Variants in ADGRG4 observed in about 807,000 individuals in gnomAD.
The protein encoded by ADGRG4 is adhesion G protein-coupled receptor G4.
Under a neutral mutation model 126.2 loss-of-function variants are expected in ADGRG4, and 122 were observed. That is an observed-to-expected ratio of 0.97 (90% CI 0.83 to 1.12). The LOEUF is 1.12. ADGRG4 is among the 50% of genes most tolerant of loss of function. The pLI, the probability that ADGRG4 is intolerant of heterozygous loss-of-function variation, is 0.00. For missense variants in ADGRG4, 2,481 were observed against 2,251.8 expected, an observed-to-expected ratio of 1.10 and a Z score of -2.06; for synonymous variants, 943 against 838.7, an observed-to-expected ratio of 1.12 and a Z score of -2.15.
intron 13 of ADGRG4, 104 bp from the exon 14 acceptor site, chrX:136,371,224 G>T (rs2075191535): frequency 2.2e-6 from 1 of 460,958 alleles, no homozygotes; most frequent in South Asian, 5.3e-5. Context: ...TACCTTGGTA[G>T]GTGTTCTCAT....
intron 5 of ADGRG4, among the ~76,000 whole-genome samples, chrX:136,341,151 T>C (rs1306017905): frequency 8.9e-6 from 1 of 112,025 alleles, no homozygotes; most frequent in Admixed American, 9.5e-5. Context: ...AATTGCTACA[T>C]CTATGGCTCA....
chrX:136,344,300 T>G lies in ADGRG4; in HGVS notation c.686-92T>G, dbSNP rs756020528. 7 of 571,715 alleles carry G rather than the reference T, an allele frequency of 1.2e-5. No homozygotes were observed. The African/African-American group carries it at 1.6e-4, about 13-fold the overall frequency. 47.1% of individuals were successfully genotyped at this position (571,715 alleles called of 1,213,427 possible). A position where few individuals can be genotyped will look rare whatever the true frequency, so the allele number is the denominator to read the frequency against. The stretch of plus-strand genomic sequence containing the variant: ...TTTGATTATATCTATGATACTTTCT[T>G]ACAAAATGAAAAGAAATTATAGAGC... On this transcript the variant is annotated intron_variant, in intron 5 of 25. Coordinates refer to ENST00000394143, the MANE Select transcript of ADGRG4 (RefSeq NM_153834.4).
intron 15 of ADGRG4, among the ~76,000 whole-genome samples, chrX:136,382,079 C>G (rs2075266829): frequency 1.8e-5 from 2 of 111,394 alleles, no homozygotes; most frequent in Admixed American, 1.9e-4. Flanking sequence ...TCAATCCAAT[C>G]AAGTTGACAC....
chrX:136,345,693 G>A lies in ADGRG4; in HGVS notation c.1987G>A (p.Ala663Thr). Residue 663 changes from alanine to threonine, a missense_variant, in exon 6 of 26, where the codon GCC (alanine) becomes ACC (threonine). Transcript: ENST00000394143. The stretch of plus-strand genomic sequence containing the variant: ...CATTTGGACTTCTAGGCCAGACCAG[G>A]CCCTGCTGGCATCTATGAACACAAC... The part of the protein sequence containing the change: ...ETIWTSRPDQ[A>T]LLASMNTTTI... 1 of 1,211,082 alleles carries A rather than the reference G, an allele frequency of 8.3e-7. No individual in the cohort carries two copies. The highest frequency in any genetic ancestry group is 1.1e-6 in the Non-Finnish European group (1 of 895,056).
chrX:136,367,931 C>T (rs1485154190), intron 13 of ADGRG4, among the ~76,000 whole-genome samples: 3 of 111,910 alleles, frequency 2.7e-5, no homozygotes, highest in Admixed American at 9.5e-5. Flanking sequence ...ATGTTTGTTA[C>T]CTCCATGATA....
At chrX:136,407,975 A>T (rs1438356710) in intron 23 of ADGRG4, among the ~76,000 whole-genome samples, 2 of 112,210 alleles carry the variant, frequency 1.8e-5, no homozygotes, top group African/African-American at 6.5e-5. Flanking sequence ...GTGCCTGTGA[A>T]GACTTCATCC....
At chrX:136,322,740 C>A (rs1037178945) in intron 4 of ADGRG4, 38 bp from the exon 5 acceptor site, 3 of 1,125,127 alleles carry the variant, frequency 2.7e-6, no homozygotes, top group Admixed American at 3.0e-5. Flanking sequence ...ACAGAAATTT[C>A]ATTTGTTTTC....
At chrX:136,387,657 G>A in intron 15 of ADGRG4, 83 bp from the exon 16 acceptor site, 1 of 915,311 alleles carries the variant, frequency 1.1e-6, no homozygotes, top group Admixed American at 2.7e-5. Context: ...GATATTCTGA[G>A]GCTGAGCTGG....
chrX:136,312,159 C>T (rs955407381), intron 4 of ADGRG4, among the ~76,000 whole-genome samples: 1 of 112,447 alleles, frequency 8.9e-6, no homozygotes, highest in Non-Finnish European at 1.9e-5. Context: ...GTTAAAAATT[C>T]AGTTCTTAGT....
Position 136,347,572 on chromosome X carries a change from G to A in ADGRG4, c.3866G>A (p.Arg1289Gln), listed in dbSNP as rs764559033. 5.6e-5 allele frequency: 68 copies of A among 1,205,161 alleles called. No homozygotes were observed. Among genetic ancestry groups the A allele is most frequent in the Non-Finnish European group, 7.2e-5 (64 of 891,645 alleles). ...PSKNSFISYSRGTPSLEMTDT... is the reference protein window; with the variant it reads ...PSKNSFISYSQGTPSLEMTDT... ...AAGAATTCTTTTATTTCATACTCCC[G>A]GGGTACTCCATCTTTGGAAATGACA... is the stretch of plus-strand genomic sequence containing the variant. The change falls in exon 6 of 26, where the codon CGG becomes CAG. Residue 1289 changes from arginine to glutamine, a missense_variant. Physicochemically the swap from Arg to Gln is conservative, Grantham distance 43. Coordinates refer to ENST00000394143, the MANE Select transcript of ADGRG4 (RefSeq NM_153834.4).
intron 23 of ADGRG4, among the ~76,000 whole-genome samples, chrX:136,407,161 AT>A (rs753078260): frequency 1.0e-4 from 11 of 108,315 alleles, no homozygotes; most frequent in Admixed American, 3.0e-4. Context: ...GCTCTCCACT[AT>A]TTTTTTTTCA....
chrX:136,396,393 A>G (rs1355156202), intron 19 of ADGRG4, among the ~76,000 whole-genome samples: 1 of 102,508 alleles, frequency 9.8e-6, no homozygotes, highest in African/African-American at 3.5e-5. Context: ...ATATGTATGT[A>G]TATATATATA....
chrX:136,322,642 TTTTG>T (rs2074845747), intron 4 of ADGRG4, 132 bp from the exon 5 acceptor site: 1 of 472,780 alleles, frequency 2.1e-6, no homozygotes, highest in African/African-American at 2.5e-5. Context: ...CATCTACTAT[TTTTG>T]TTTATTTGCA....
chrX:136,349,881 C>A lies in ADGRG4; in HGVS notation c.6175C>A (p.Leu2059Ile), dbSNP rs767530396. ...GCACCCATTCACTAACTTGACAACA[C>A]TACCCTCTGCTACTATGAGCACCAT... is the stretch of plus-strand genomic sequence containing the variant. ...SAHPFTNLTT[L>I]PSATMSTILT... Residue 2059 changes from leucine (L) to isoleucine (I), a missense_variant, in exon 6 of 26, where the codon CTA becomes ATA. By Grantham distance (5) the Leu-to-Ile change is conservative (BLOSUM62 2). Coordinates refer to ENST00000394143, the MANE Select transcript of ADGRG4 (RefSeq NM_153834.4). The A allele has an allele frequency of 2.5e-6, 3 of 1,209,910 alleles. No individual in the cohort carries two copies. The highest frequency in any genetic ancestry group is 3.4e-6 in the Non-Finnish European group (3 of 894,064).
chrX:136,405,858 G>C lies in ADGRG4; in HGVS notation c.8821G>C (p.Gly2941Arg). The change falls in exon 23 of 26, where the codon GGC (glycine) becomes CGC (arginine). Residue 2941 changes from glycine to arginine, a missense_variant. Transcript: ENST00000394143. ...GAAGATGATCCTGCATGACCTCAAAGGCACAATGAGCCTGACATTCTTACT... is the reference window on the plus strand; with the variant it reads ...GAAGATGATCCTGCATGACCTCAAACGCACAATGAGCCTGACATTCTTACT... ...RRKMILHDLKGTMSLTFLLGL... is the reference protein window; with the variant it reads ...RRKMILHDLKRTMSLTFLLGL... 2 of 1,207,695 alleles carry C rather than the reference G, an allele frequency of 1.7e-6. No homozygotes were observed. Among genetic ancestry groups the C allele is most frequent in the Non-Finnish European group, 2.2e-6 (2 of 893,562 alleles).
At chrX:136,318,188 A>G (rs1393536466) in intron 4 of ADGRG4, among the ~76,000 whole-genome samples, 1 of 112,756 alleles carries the variant, frequency 8.9e-6, no homozygotes, top group Non-Finnish European at 1.9e-5. Context: ...ATACATCCAT[A>G]TAATGAATCT....
In ADGRG4 at chrX:136,344,398, C is replaced by T. The variant is rs1320732289; in HGVS notation, c.692C>T (p.Pro231Leu). The stretch of plus-strand genomic sequence containing the variant: ...TTCTTTCTGATTTTTTTAGTTGTTC[C>T]TGAAAATATGACAATTCAAGAAAAA... ...TVDRTLRCFV[P>L]ENMTIQEKST... Residue 231 changes from proline (P) to leucine (L), a missense_variant, in exon 6 of 26, where the codon CCT (proline) becomes CTT (leucine). By Grantham distance (98) the Pro-to-Leu change is moderately conservative. Transcript: ENST00000394143. 1.8e-6 allele frequency: 2 copies of T among 1,139,064 alleles called. No individual in the cohort carries two copies. The highest frequency in any genetic ancestry group is 6.1e-5 in the East Asian group (2 of 32,667). 93.9% of individuals were successfully genotyped at this position (1,139,064 alleles called of 1,213,427 possible). A position where few individuals can be genotyped will look rare whatever the true frequency, so the allele number is the denominator to read the frequency against.
At chrX:136,326,782 A>C (rs1019531307) in intron 5 of ADGRG4, among the ~76,000 whole-genome samples, 1 of 111,575 alleles carries the variant, frequency 9.0e-6, no homozygotes, top group African/African-American at 3.3e-5. Flanking sequence ...TTTGCCTAAT[A>C]AATTGATATT....
intron 15 of ADGRG4, among the ~76,000 whole-genome samples, chrX:136,385,972 G>T (rs1174205031): frequency 9.0e-6 from 1 of 111,339 alleles, no homozygotes; most frequent in Admixed American, 9.5e-5. Context: ...GGCTATGGTT[G>T]CCCTGGCTTT....
Sources: gnomAD v4.1 joint callset for allele counts (sites outside exome capture counted in the v4.1 genomes callset) on GRCh38, gnomAD v4.1.1 for gene constraint, MANE v1.5 for transcripts, NCBI Gene and HGNC (gene_info 2026-07-23, HGNC 2026-07-21) for gene names.